The following TUSC3 variants were observed in gnomAD, a reference collection of about 807,000 sequenced individuals.
TUSC3 encodes the protein dolichyl-diphosphooligosaccharide--protein glycosyltransferase subunit TUSC3.
Under a neutral mutation model 44.8 loss-of-function variants are expected in TUSC3, and 45 were observed. The observed-to-expected ratio is 1.00, with a 90% CI of 0.79 to 1.29. TUSC3 has a LOEUF of 1.29. Among genes scored for constraint, TUSC3 ranks in the 50% most tolerant of loss-of-function variants. TUSC3 has a pLI of 0.00. For synonymous variants in TUSC3, 212 were observed against 152.9 expected, an observed-to-expected ratio of 1.39 and a Z score of -2.85; for missense variants, 519 against 437.9, an observed-to-expected ratio of 1.19 and a Z score of -1.65.
chr8:15,548,302 C>A (rs1249664169), intron 1 of TUSC3, among the ~76,000 whole-genome samples: 1 of 151,866 alleles, frequency 6.6e-6, no homozygotes, highest in Admixed American at 6.6e-5. Flanking sequence ...AGCTGGGACA[C>A]TTGCCAGCCC....
At chr8:15,537,214 C>T (rs1411769667), upstream of TUSC3, among the ~76,000 whole-genome samples, 1 of 152,066 alleles carries the variant, frequency 6.6e-6, no homozygotes, top group African/African-American at 2.4e-5. Flanking sequence ...TTTACCTTAA[C>T]CTAAACATTC....
At chr8:15,750,996 C>G (rs1337164807) in intron 9 of TUSC3, among the ~76,000 whole-genome samples, 5 of 152,058 alleles carry the variant, frequency 3.3e-5, no homozygotes, top group Non-Finnish European at 5.9e-5. Context: ...CTTGGGACAC[C>G]AGGTGTGCTA....
At chr8:15,508,096 C>T (rs1801082696) in intron 2 of TUSC3, among the ~76,000 whole-genome samples, 1 of 151,976 alleles carries the variant, frequency 6.6e-6, no homozygotes, top group Admixed American at 6.6e-5. Flanking sequence ...CAAAAATTAG[C>T]CAGGTGTGGT....
intron 1 of TUSC3, among the ~76,000 whole-genome samples, chr8:15,445,623 C>T (rs191204715): frequency 2.0e-5 from 3 of 152,318 alleles, no homozygotes; most frequent in African/African-American, 7.2e-5. Flanking sequence ...TCAGAGAGCA[C>T]TGGGTTGGGG....
intron 1 of TUSC3, among the ~76,000 whole-genome samples, chr8:15,571,640 A>T (rs1462375850): frequency 6.6e-6 from 1 of 152,148 alleles, no homozygotes; most frequent in Non-Finnish European, 1.5e-5. Context: ...TAAGAAATTA[A>T]GTTGGCCACA....
At chr8:15,626,394 G>A (rs1805510333) in intron 2 of TUSC3, among the ~76,000 whole-genome samples, 1 of 152,222 alleles carries the variant, frequency 6.6e-6, no homozygotes, top group Non-Finnish European at 1.5e-5. Context: ...TGGGTCTGGG[G>A]CAGTGCTGTG....
At chr8:15,745,344 C>G (rs750666630) in intron 8 of TUSC3, among the ~76,000 whole-genome samples, 18 of 152,106 alleles carry the variant, frequency 1.2e-4, no homozygotes, top group Non-Finnish European at 2.1e-4. Context: ...GTTGCTGGGC[C>G]AAAGGTAGCA....
chr8:15,450,206 T>C (rs1800175644), intron 1 of TUSC3, among the ~76,000 whole-genome samples: 1 of 152,198 alleles, frequency 6.6e-6, no homozygotes, highest in African/African-American at 2.4e-5. Context: ...TATGTGTGTT[T>C]ATCTGTTTAT....
At chr8:15,782,210 G>A in the TUSC3 span, among the ~76,000 whole-genome samples, 308 of 152,272 alleles carry the variant, frequency 2.0e-3, 2 homozygotes, top group African/African-American at 7.1e-3. Context: ...GAGTAAACTG[G>A]CCCTGTAGTC....
At chr8:15,692,661 CT>C (rs71211074) in intron 6 of TUSC3, among the ~76,000 whole-genome samples, 31,592 of 143,102 alleles carry the variant, frequency 0.22, 4,013 homozygotes, top group Non-Finnish European at 0.31. Context: ...TTTCTGAGGG[CT>C]TTTTTTTTTT....
intron 6 of TUSC3, among the ~76,000 whole-genome samples, chr8:15,697,468 G>C (rs1322475339): frequency 6.6e-6 from 1 of 152,176 alleles, no homozygotes; most frequent in Non-Finnish European, 1.5e-5. Context: ...CAGAGGTTTT[G>C]ATAGGTTTTG....
chr8:15,734,271 A>G (rs544191944), intron 7 of TUSC3, among the ~76,000 whole-genome samples: 9 of 152,320 alleles, frequency 5.9e-5, no homozygotes, highest in East Asian at 3.9e-4. Flanking sequence ...TGCAGTTGCT[A>G]TATACAAAGT....
At chr8:15,831,087 C>T in the TUSC3 span, among the ~76,000 whole-genome samples, 1 of 152,248 alleles carries the variant, frequency 6.6e-6, no homozygotes, top group African/African-American at 2.4e-5. Flanking sequence ...AGCCCCAACC[C>T]AGCACATTGT....
chr8:15,511,726 C>T (rs1317914291), intron 2 of TUSC3, among the ~76,000 whole-genome samples: 20 of 152,036 alleles, frequency 1.3e-4, no homozygotes, highest in Admixed American at 8.5e-4. Context: ...AAGAATTAGC[C>T]GGGCGTGGTG....
chr8:15,730,560 G>A, intron 6 of TUSC3, 106 bp from the exon 7 acceptor site: 1 of 1,090,840 alleles, frequency 9.2e-7, no homozygotes, highest in Non-Finnish European at 1.3e-6. Flanking sequence ...TAAAAAATTA[G>A]TAAAAATCGA....
intron 2 of TUSC3, among the ~76,000 whole-genome samples, chr8:15,492,635 T>G (rs1248257058): frequency 6.6e-6 from 1 of 152,012 alleles, no homozygotes; most frequent in East Asian, 1.9e-4. Flanking sequence ...ATTAAATAAT[T>G]TTTAAAATGT....
chr8:15,436,582 T>A (rs565896139), intron 1 of TUSC3, among the ~76,000 whole-genome samples: 1 of 152,124 alleles, frequency 6.6e-6, no homozygotes, highest in Non-Finnish European at 1.5e-5. Flanking sequence ...CCGTATGGAG[T>A]ACAGAGCATG....
the TUSC3 span, among the ~76,000 whole-genome samples, chr8:15,783,121 T>C: frequency 1.3e-5 from 2 of 152,114 alleles, no homozygotes; most frequent in African/African-American, 4.8e-5. Context: ...ATTTAAAAAG[T>C]ATAATACTTA....
chr8:15,512,872 G>GTGTATATATATATA (rs761482107), intron 2 of TUSC3, among the ~76,000 whole-genome samples: 13,206 of 131,864 alleles, frequency 0.1, 910 homozygotes, highest in South Asian at 0.17. Flanking sequence ...ATATGTGTGT[G>GTGTATATATATATA]TATATATATA....
Sources: gnomAD v4.1 joint callset for allele counts (sites outside exome capture counted in the v4.1 genomes callset) on GRCh38, gnomAD v4.1.1 for gene constraint, MANE v1.5 for transcripts, NCBI Gene and HGNC (gene_info 2026-07-23, HGNC 2026-07-21) for gene names.